The following PREX2 variants were observed in gnomAD, a reference collection of about 807,000 sequenced individuals.
The protein encoded by PREX2 is phosphatidylinositol-3,4,5-trisphosphate dependent Rac exchange factor 2.
PREX2 carries 107 observed loss-of-function variants against 203.2 expected under a neutral mutation model. The ratio of observed to expected loss-of-function variants is 0.53; its 90% CI spans 0.45 to 0.62. The LOEUF (loss-of-function observed/expected upper bound fraction) is 0.62, where lower values mean the gene tolerates loss of function less well. Ranked by LOEUF, PREX2 falls within the 20% of genes least tolerant of loss-of-function variation. The pLI, the probability that PREX2 is intolerant of heterozygous loss-of-function variation, is 0.00. For missense variants in PREX2, 1,777 were observed against 1,955.9 expected, an observed-to-expected ratio of 0.91 and a Z score of 1.72; for synonymous variants, 672 against 663.6, an observed-to-expected ratio of 1.01 and a Z score of -0.19.
intron 37 of PREX2, among the ~76,000 whole-genome samples, chr8:68,194,142 G>A (rs1420022579): frequency 3.3e-5 from 5 of 152,072 alleles, no homozygotes; most frequent in Admixed American, 3.3e-4. Flanking sequence ...TGTTCATATG[G>A]TCTGTTCCTA....
intron 35 of PREX2, among the ~76,000 whole-genome samples, chr8:68,169,422 T>A (rs895231869): frequency 6.6e-6 from 1 of 151,936 alleles, no homozygotes. Flanking sequence ...AACTCCATAA[T>A]TGGAGATGGA....
At chr8:68,138,339 G>C in intron 32 of PREX2, 76 bp from the exon 33 acceptor site, 1 of 743,652 alleles carries the variant, frequency 1.3e-6, no homozygotes, top group Non-Finnish European at 2.1e-6. Context: ...GTTTTGGTCT[G>C]AATTTACATT....
chr8:68,196,049 T>C (rs1003052523), intron 37 of PREX2, among the ~76,000 whole-genome samples: 5 of 152,148 alleles, frequency 3.3e-5, no homozygotes, highest in African/African-American at 1.2e-4. Flanking sequence ...ATTAAAATCT[T>C]CCCAAAGCAT....
At chr8:68,018,561 G>A (rs1044099431) in intron 2 of PREX2, among the ~76,000 whole-genome samples, 5 of 152,184 alleles carry the variant, frequency 3.3e-5, no homozygotes, top group Non-Finnish European at 7.4e-5. Context: ...AGGATTGTTA[G>A]AGGTGGCTCA....
rs1807856746 is a variant in PREX2 at position 68,030,659 on chromosome 8, G to GTA, written c.705+2_705+3dup. On this transcript the variant is annotated splice_donor_variant, in intron 6 of 39. Coordinates refer to ENST00000288368, the MANE Select transcript of PREX2 (RefSeq NM_024870.4). LOFTEE classifies it high-confidence loss of function. ...GCAGTCTCACATTGAAGGCTGGGAG[G>GTA]TACATTCACTTTGCTTGACAATCGA... The GTA allele has an allele frequency of 6.2e-7, 1 of 1,613,122 alleles. No homozygotes were observed. Among genetic ancestry groups the GTA allele is most frequent in the Non-Finnish European group, 8.5e-7 (1 of 1,179,372 alleles).
At chr8:68,007,138 C>A (rs1807120151) in intron 1 of PREX2, among the ~76,000 whole-genome samples, 2 of 152,044 alleles carry the variant, frequency 1.3e-5, no homozygotes, top group South Asian at 4.1e-4. Context: ...CTATTTGATT[C>A]GTGAAGTATG....
intron 1 of PREX2, among the ~76,000 whole-genome samples, chr8:67,981,565 A>G (rs534191862): frequency 6.6e-6 from 1 of 152,298 alleles, no homozygotes; most frequent in African/African-American, 2.4e-5. Flanking sequence ...AGGAAACTAA[A>G]CAAGACCAAA....
intron 31 of PREX2, among the ~76,000 whole-genome samples, chr8:68,132,107 C>A (rs1259536660): frequency 1.3e-5 from 2 of 152,108 alleles, no homozygotes; most frequent in African/African-American, 4.8e-5. Flanking sequence ...AAAATTAAAT[C>A]CAGATATTTC....
intron 39 of PREX2, among the ~76,000 whole-genome samples, chr8:68,228,881 G>T (rs1316817282): frequency 6.7e-6 from 1 of 148,848 alleles, no homozygotes; most frequent in African/African-American, 2.5e-5. Flanking sequence ...GGTTGAGGCT[G>T]CAGTGAGCTA....
chr8:68,056,004 T>A (rs1009024504), intron 10 of PREX2, 30 bp downstream of exon 10: 1 of 1,576,780 alleles, frequency 6.3e-7, no homozygotes, highest in Non-Finnish European at 8.6e-7. Context: ...TGCATGACTT[T>A]CTTTTACATT....
At chr8:67,961,189 T>C (rs1046980903) in intron 1 of PREX2, among the ~76,000 whole-genome samples, 1 of 152,110 alleles carries the variant, frequency 6.6e-6, no homozygotes, top group African/African-American at 2.4e-5. Context: ...TATTATATTT[T>C]CATACCAAAT....
At chr8:68,051,376 C>T (rs1450311130) in intron 8 of PREX2, among the ~76,000 whole-genome samples, 2 of 152,064 alleles carry the variant, frequency 1.3e-5, no homozygotes, top group Non-Finnish European at 2.9e-5. Context: ...ATCTTTTAAG[C>T]TGCAGGTGCA....
chr8:68,114,325 GA>G (rs1219059481), intron 25 of PREX2: 5 of 508,142 alleles, frequency 9.8e-6, no homozygotes, highest in Non-Finnish European at 2.0e-5. Flanking sequence ...TCACCGTCTT[GA>G]AATAACAAAC....
At chr8:68,165,649 G>A (rs948590426) in intron 35 of PREX2, among the ~76,000 whole-genome samples, 1 of 152,124 alleles carries the variant, frequency 6.6e-6, no homozygotes, top group African/African-American at 2.4e-5. Context: ...CCTGAATGGA[G>A]GCAATTGTCT....
At chr8:68,002,423 T>C (rs1333102092) in intron 1 of PREX2, among the ~76,000 whole-genome samples, 1 of 152,188 alleles carries the variant, frequency 6.6e-6, no homozygotes, top group East Asian at 1.9e-4. Flanking sequence ...CTGGGATTAC[T>C]CCCACCTCCA....
Position 68,119,432 on chromosome 8 carries a change from G to A in PREX2, c.3422G>A (p.Gly1141Asp). Reference sequence around the variant, plus strand: ...GTTTTGTTTTTGTTTTGACATCTAGGTGATGAACTTCCCTTAAGTGTTCGC... The same window carrying A: ...GTTTTGTTTTTGTTTTGACATCTAGATGATGAACTTCCCTTAAGTGTTCGC... ...SYFHSDEMDS[G>D]DELPLSVRIS... Residue 1141 changes from glycine (G) to aspartate (D), a missense_variant and splice_region_variant, in exon 28 of 40, where the codon GGT (glycine) becomes GAT (aspartate). By Grantham distance (94) the Gly-to-Asp change is moderately conservative. Transcript: ENST00000288368. The A allele has an allele frequency of 6.2e-7, 1 of 1,610,680 alleles. No homozygotes were observed. Among genetic ancestry groups the A allele is most frequent in the Non-Finnish European group, 8.5e-7 (1 of 1,177,416 alleles).
intron 1 of PREX2, among the ~76,000 whole-genome samples, chr8:67,982,845 T>A (rs922877255): frequency 1.3e-5 from 2 of 152,354 alleles, no homozygotes; most frequent in South Asian, 2.1e-4. Flanking sequence ...ATGACATTAA[T>A]GATTTCCCGC....
intron 35 of PREX2, among the ~76,000 whole-genome samples, chr8:68,178,860 G>A (rs1001091909): frequency 3.9e-5 from 6 of 152,108 alleles, no homozygotes; most frequent in Admixed American, 3.9e-4. Flanking sequence ...AAATCCCAGT[G>A]AAGTTGTATT....
rs1452694850 is a variant in PREX2 at position 68,224,448 on chromosome 8, C to T, written c.4708-111C>T. On this transcript the variant is annotated intron_variant, in intron 38 of 39. Transcript: ENST00000288368. Reference sequence around the variant, plus strand: ...GTCTGTCTTTCTCTTAGCTAATCTCCCTTGATGTTAAAGACATTGTTTGAA... The same window carrying T: ...GTCTGTCTTTCTCTTAGCTAATCTCTCTTGATGTTAAAGACATTGTTTGAA... 11 of 806,428 alleles carry T rather than the reference C, an allele frequency of 1.4e-5. No homozygotes were observed. In the East Asian group the frequency reaches 2.7e-4, roughly 20 times the overall value. 50.0% of individuals were successfully genotyped at this position (806,428 alleles called of 1,614,324 possible). A position where few individuals can be genotyped will look rare whatever the true frequency, so the allele number is the denominator to read the frequency against.
Sources: allele counts gnomAD v4.1 joint callset (sites outside exome capture counted in the v4.1 genomes callset), GRCh38; gene constraint gnomAD v4.1.1; transcripts MANE v1.5; gene names NCBI Gene and HGNC (gene_info 2026-07-23, HGNC 2026-07-21).